Variants in HORMAD2 observed in about 807,000 individuals in gnomAD.
HORMAD2 encodes the protein HORMA domain containing 2, also known as HORMA domain-containing protein 2.
HORMAD2 carries 45 observed loss-of-function variants against 38.8 expected under a neutral mutation model. That is an observed-to-expected ratio of 1.16 (90% CI 0.91 to 1.49). The LOEUF (loss-of-function observed/expected upper bound fraction) is 1.49, where lower values mean the gene tolerates loss of function less well. Among genes scored for constraint, HORMAD2 ranks in the 40% most tolerant of loss-of-function variants. The pLI is 0.00. For synonymous variants in HORMAD2, 126 were observed against 122.8 expected (o/e 1.03, Z -0.17); for missense variants, 338 against 367.0 (o/e 0.92, Z 0.65).
chr22:30,110,362 C>T (rs998241204), intron 5 of HORMAD2, among the ~76,000 whole-genome samples: 1 of 148,900 alleles, frequency 6.7e-6, no homozygotes, highest in South Asian at 2.1e-4. Context: ...AAAAAAATTG[C>T]TATCGAATTG....
At chr22:30,092,559 C>CT (rs1207507284) in intron 1 of HORMAD2, among the ~76,000 whole-genome samples, 1 of 152,062 alleles carries the variant, frequency 6.6e-6, no homozygotes, top group African/African-American at 2.4e-5. Context: ...CATTTGAAGT[C>CT]TTACCCATAA....
chr22:30,155,187 T>C (rs1452050899), intron 10 of HORMAD2, among the ~76,000 whole-genome samples: 2 of 152,164 alleles, frequency 1.3e-5, no homozygotes, highest in Non-Finnish European at 2.9e-5. Context: ...ATTTCAATTA[T>C]GTTTTATTTG....
upstream of HORMAD2, among the ~76,000 whole-genome samples, chr22:30,078,607 C>CAAAAAAAAAAAAAAAAAAAAAAA (rs55966787): frequency 7.1e-5 from 2 of 28,100 alleles, no homozygotes; most frequent in African/African-American, 1.5e-4. Context: ...CTCTGTCTCA[C>CAAAAAAAAAAAAAAAAAAAAAAA]AAAAAAAAAA....
At chr22:30,109,813 GT>G (rs1459106097) in intron 5 of HORMAD2, among the ~76,000 whole-genome samples, 1 of 152,118 alleles carries the variant, frequency 6.6e-6, no homozygotes, top group Non-Finnish European at 1.5e-5. Context: ...ACTTTTTGAG[GT>G]ACTTGTTGCA....
chr22:30,078,492 G>C (rs1455935249), upstream of HORMAD2, among the ~76,000 whole-genome samples: 1 of 150,724 alleles, frequency 6.6e-6, no homozygotes, highest in Non-Finnish European at 1.5e-5. Flanking sequence ...TGTAACCCCA[G>C]CTACTTAGGT....
At chr22:30,140,937 G>T (rs895503163) in intron 10 of HORMAD2, among the ~76,000 whole-genome samples, 1 of 152,078 alleles carries the variant, frequency 6.6e-6, no homozygotes, top group Admixed American at 6.6e-5. Flanking sequence ...TGCTTTAGCA[G>T]TGTTATGTTT....
the HORMAD2 span, among the ~76,000 whole-genome samples, chr22:30,190,517 C>T: frequency 1.1e-4 from 17 of 152,340 alleles, no homozygotes; most frequent in African/African-American, 3.8e-4. Flanking sequence ...CCTGTTTATG[C>T]CTCTCGGCCA....
At chr22:30,196,188 T>G in the HORMAD2 span, among the ~76,000 whole-genome samples, 1 of 152,196 alleles carries the variant, frequency 6.6e-6, no homozygotes, top group Admixed American at 6.5e-5. Flanking sequence ...CCTCTGATGA[T>G]TGGACAAGAG....
At chr22:30,161,028 C>A (rs1391351163) in intron 10 of HORMAD2, among the ~76,000 whole-genome samples, 1 of 152,136 alleles carries the variant, frequency 6.6e-6, no homozygotes, top group Admixed American at 6.5e-5. Flanking sequence ...AAGTGAAAAT[C>A]TGACTTCTTA....
chr22:30,148,974 G>A (rs574103351), intron 10 of HORMAD2, among the ~76,000 whole-genome samples: 12 of 151,640 alleles, frequency 7.9e-5, no homozygotes, highest in African/African-American at 1.9e-4. Flanking sequence ...GCGAGACTCC[G>A]TCTCGAAAAA....
intron 10 of HORMAD2, among the ~76,000 whole-genome samples, chr22:30,131,067 C>T (rs571922467): frequency 1.3e-5 from 2 of 152,250 alleles, no homozygotes; most frequent in African/African-American, 4.8e-5. Context: ...CCTAAAGATC[C>T]TTAGACAGGT....
At chr22:30,143,523 G>T (rs1200428773) in intron 10 of HORMAD2, among the ~76,000 whole-genome samples, 1 of 151,960 alleles carries the variant, frequency 6.6e-6, no homozygotes, top group African/African-American at 2.4e-5. Flanking sequence ...CATTGTTCCT[G>T]CTGAGAGATC....
chr22:30,091,458 G>A (rs1601504231), intron 1 of HORMAD2, among the ~76,000 whole-genome samples: 1 of 151,658 alleles, frequency 6.6e-6, no homozygotes, highest in African/African-American at 2.4e-5. Context: ...TACAGATAGG[G>A]TTTCACCATG....
At chr22:30,124,284 CACACACACAT>C (rs1183202329) in intron 10 of HORMAD2, among the ~76,000 whole-genome samples, 1 of 151,562 alleles carries the variant, frequency 6.6e-6, no homozygotes, top group African/African-American at 2.4e-5. Context: ...CACACACACA[CACACACACAT>C]ACATACATGT....
the HORMAD2 span, among the ~76,000 whole-genome samples, chr22:30,189,641 C>T: frequency 6.6e-6 from 1 of 152,114 alleles, no homozygotes; most frequent in South Asian, 2.1e-4. Flanking sequence ...CATGGCCTTG[C>T]TCCCTCCTTG....
Position 30,121,695 on chromosome 22 carries a change from T to C in HORMAD2, c.474T>C (p.Val158=). 6.2e-7 allele frequency: 1 copy of C among 1,610,028 alleles called. No individual in the cohort carries two copies. Among genetic ancestry groups the C allele is most frequent in the Non-Finnish European group, 8.5e-7 (1 of 1,177,914 alleles). ...ATGAAGATATTAAGAAAGCCAGTGT[T>C]CTACTGATCCGTAAATTGTATATAC... The part of the protein sequence containing the change: ...TNNEDIKKAS[V]LLIRKLYILM... Residue 158 remains valine, a synonymous_variant, in exon 9 of 11, where the codon GTT becomes GTC. Transcript: ENST00000336726.
chr22:30,187,501 T>TTGTG, the HORMAD2 span, among the ~76,000 whole-genome samples: 2,012 of 147,752 alleles, frequency 0.014, 44 homozygotes, highest in African/African-American at 0.046. Flanking sequence ...TATATTTCCT[T>TTGTG]TGTGTGTGTG....
chr22:30,166,211 G>A (rs1360492841), intron 10 of HORMAD2, among the ~76,000 whole-genome samples: 1 of 151,928 alleles, frequency 6.6e-6, no homozygotes, highest in African/African-American at 2.4e-5. Context: ...TTTGTGTTTT[G>A]AGGAAACATT....
chr22:30,107,736 C>T (rs1033860562), intron 5 of HORMAD2, among the ~76,000 whole-genome samples: 2 of 150,858 alleles, frequency 1.3e-5, no homozygotes, highest in African/African-American at 2.4e-5. Context: ...GGCGACAGAG[C>T]GAAACTTCAT....
Sources: allele counts gnomAD v4.1 joint callset (sites outside exome capture counted in the v4.1 genomes callset), GRCh38; gene constraint gnomAD v4.1.1; transcripts MANE v1.5; gene names NCBI Gene and HGNC (gene_info 2026-07-23, HGNC 2026-07-21).